NVL: variants seen among roughly 807,000 people sequenced by gnomAD.
NVL encodes nuclear VCP like, also known as nuclear valosin-containing protein-like.
A neutral mutation model predicts 110.2 loss-of-function variants in NVL; 84 were observed. That is an observed-to-expected ratio of 0.76 (90% CI 0.64 to 0.91). The LOEUF is 0.91. NVL is among the 40% of genes least tolerant of loss of function. The probability of loss-of-function intolerance (pLI) is 0.00; values close to 1 mark genes in which losing one functional copy is unlikely to be tolerated. For missense variants in NVL, 882 were observed against 1,035.9 expected, an observed-to-expected ratio of 0.85 and a Z score of 2.04; for synonymous variants, 354 against 361.1, an observed-to-expected ratio of 0.98 and a Z score of 0.22.
At position 224,264,894 on chromosome 1, in the gene NVL, G is replaced by A. The variant is rs1664339625; in HGVS notation, c.2182+3140C>T. ...CGCAAGTAGCTGGGACTACAGGTGT[G>A]TGCCACCATGCCCGGCTAATCTTTT... On this transcript the variant is annotated intron_variant, in intron 18 of 22. Coordinates refer to ENST00000281701, the MANE Select transcript of NVL (RefSeq NM_002533.4). Among the ~76,000 whole-genome samples the A allele has an allele frequency of 2.0e-5, 3 of 152,080 alleles. No homozygotes were observed. The South Asian group carries it at 6.2e-4, about 32-fold the overall frequency.
At chr1:224,299,810 CT>C (rs1668224730) in intron 10 of NVL, among the ~76,000 whole-genome samples, 1 of 151,926 alleles carries the variant, frequency 6.6e-6, no homozygotes, top group Non-Finnish European at 1.5e-5. Context: ...AGTAGATGGC[CT>C]ACCCATTCTT....
At chr1:224,296,726 G>T in intron 10 of NVL, 108 bp from the exon 11 acceptor site, 1 of 682,208 alleles carries the variant, frequency 1.5e-6, no homozygotes, top group Non-Finnish European at 2.4e-6. Context: ...AGGATCATTT[G>T]CCAAAAGAAT....
intron 22 of NVL, among the ~76,000 whole-genome samples, chr1:224,228,651 C>T (rs1293909056): frequency 6.6e-6 from 1 of 150,448 alleles, no homozygotes; most frequent in East Asian, 2.0e-4. Context: ...AAGAAACTGC[C>T]AGAATGGGCC....
intron 17 of NVL, among the ~76,000 whole-genome samples, chr1:224,268,695 G>C (rs1664744343): frequency 6.6e-6 from 1 of 151,748 alleles, no homozygotes; most frequent in African/African-American, 2.4e-5. Flanking sequence ...TTTCACTCTT[G>C]TTGCCCAGAA....
intron 19 of NVL, among the ~76,000 whole-genome samples, chr1:224,237,959 TTCAAAAAAAA>T (rs1398864546): frequency 2.0e-4 from 17 of 83,444 alleles, no homozygotes; most frequent in East Asian, 1.4e-3. Flanking sequence ...GAGACTTGGT[TTCAAAAAAAA>T]AAAAAAAAAA....
intron 1 of NVL, among the ~76,000 whole-genome samples, chr1:224,328,383 G>A (rs1361999772): frequency 2.0e-5 from 3 of 151,432 alleles, no homozygotes; most frequent in African/African-American, 7.3e-5. Context: ...AGCCAGGCGT[G>A]ATGGCATGCA....
At chr1:224,258,633 ACAGAAACAGC>A (rs1663568114) in intron 18 of NVL, among the ~76,000 whole-genome samples, 1 of 152,172 alleles carries the variant, frequency 6.6e-6, no homozygotes, top group African/African-American at 2.4e-5. Flanking sequence ...TAGCCAAAAA[ACAGAAACAGC>A]CCAGATGTCC....
At chr1:224,323,176 T>A (rs756491744) in intron 2 of NVL, among the ~76,000 whole-genome samples, 3 of 152,274 alleles carry the variant, frequency 2.0e-5, no homozygotes, top group Non-Finnish European at 4.4e-5. Flanking sequence ...AGGACTTGTG[T>A]TTTACTGTTT....
At chr1:224,232,043 A>C (rs1659942963) in intron 21 of NVL, 1 of 140,894 alleles carries the variant, frequency 7.1e-6, no homozygotes, top group Admixed American at 7.4e-5. Flanking sequence ...TAAATAAATA[A>C]ATAAATAAAA....
intron 18 of NVL, among the ~76,000 whole-genome samples, chr1:224,255,072 A>C (rs1663032580): frequency 6.8e-6 from 1 of 147,678 alleles, no homozygotes; most frequent in South Asian, 2.1e-4. Flanking sequence ...GGATTTCACC[A>C]TGTTGGCTAG....
intron 11 of NVL, among the ~76,000 whole-genome samples, chr1:224,295,960 C>CAAAAAAAAAAAAA: frequency 2.4e-5 from 1 of 41,842 alleles, no homozygotes; most frequent in Non-Finnish European, 4.7e-5. Flanking sequence ...GACTCTGTCT[C>CAAAAAAAAAAAAA]AAAAAAAAAA....
At chr1:224,312,023 T>C in intron 4 of NVL, 166 bp from the exon 5 acceptor site, 1 of 582,696 alleles carries the variant, frequency 1.7e-6, no homozygotes, top group Non-Finnish European at 3.0e-6. Flanking sequence ...AACCAGTTAT[T>C]ACTTAACCTC....
chr1:224,317,659 A>G (rs368378958), intron 4 of NVL, 35 bp downstream of exon 4: 64 of 1,240,956 alleles, frequency 5.2e-5, no homozygotes, highest in Non-Finnish European at 7.4e-5. Flanking sequence ...GATAAAGTTC[A>G]TGGTTTAAAA....
intron 19 of NVL, among the ~76,000 whole-genome samples, chr1:224,239,831 T>C (rs1485575317): frequency 6.6e-6 from 1 of 152,158 alleles, no homozygotes; most frequent in African/African-American, 2.4e-5. Flanking sequence ...AAGAGGCTTA[T>C]TGTGTTTGTG....
At chr1:224,266,715 C>A (rs1242127861) in intron 18 of NVL, among the ~76,000 whole-genome samples, 1 of 152,216 alleles carries the variant, frequency 6.6e-6, no homozygotes, top group Non-Finnish European at 1.5e-5. Context: ...CTGTTCAACT[C>A]TGAGGGACTT....
At chr1:224,252,869 C>T (rs1410389744) in intron 18 of NVL, among the ~76,000 whole-genome samples, 1 of 152,164 alleles carries the variant, frequency 6.6e-6, no homozygotes, top group African/African-American at 2.4e-5. Context: ...ACCTGCTCTC[C>T]TTTATCCTTA....
chr1:224,328,588 T>C (rs1348655721), intron 1 of NVL, among the ~76,000 whole-genome samples: 2 of 151,934 alleles, frequency 1.3e-5, no homozygotes, highest in Non-Finnish European at 2.9e-5. Context: ...GAGATGATGG[T>C]TTGGACTAAG....
intron 19 of NVL, among the ~76,000 whole-genome samples, chr1:224,246,993 G>T (rs936320140): frequency 2.9e-4 from 43 of 149,186 alleles, no homozygotes; most frequent in African/African-American, 1.1e-3. Flanking sequence ...AGTGAGCTGA[G>T]ATCACGCTAC....
At chr1:224,237,730 C>CTTTTT (rs775411063) in intron 19 of NVL, among the ~76,000 whole-genome samples, 1,655 of 130,034 alleles carry the variant, frequency 0.013, 66 homozygotes, top group African/African-American at 0.045. Flanking sequence ...TGCCTGGCTA[C>CTTTTT]TTTTTTTTTT....
Sources: allele counts gnomAD v4.1 joint callset (sites outside exome capture counted in the v4.1 genomes callset), GRCh38; gene constraint gnomAD v4.1.1; transcripts MANE v1.5; gene names NCBI Gene and HGNC (gene_info 2026-07-23, HGNC 2026-07-21).